Variants in CMBL observed in about 807,000 individuals in gnomAD.
CMBL encodes the protein carboxymethylenebutenolidase homolog.
In CMBL, 17 loss-of-function variants were observed where a neutral mutation model predicts 28.7. The observed-to-expected ratio is 0.59, with a 90% CI of 0.41 to 0.89. The LOEUF is 0.89. CMBL is among the 40% of genes least tolerant of loss of function. The probability of loss-of-function intolerance (pLI) is 0.00; values close to 1 mark genes in which losing one functional copy is unlikely to be tolerated. For missense variants in CMBL, 310 were observed against 298.5 expected (o/e 1.04, Z -0.28); for synonymous variants, 106 against 101.6 (o/e 1.04, Z -0.26).
Position 10,277,631 on chromosome 5 carries a change from T to C in CMBL, c.*2822A>G, listed in dbSNP as rs1480953809. Among the ~76,000 whole-genome samples, 1 of 152,196 alleles carries C rather than the reference T, an allele frequency of 6.6e-6. No individual in the cohort carries two copies. Among genetic ancestry groups the C allele is most frequent in the African/African-American group, 2.4e-5 (1 of 41,434 alleles). ...TTTTTAATGGGGCTATAAGAAAATT[T>C]AAAATTACATACATGGGGAAAAAAG... On this transcript the variant is annotated 3_prime_UTR_variant, in exon 6 of 6. Coordinates refer to ENST00000296658, the MANE Select transcript of CMBL (RefSeq NM_138809.4).
intron 1 of CMBL, among the ~76,000 whole-genome samples, chr5:10,297,736 G>A (rs1221765332): frequency 6.6e-6 from 1 of 152,108 alleles, no homozygotes; most frequent in African/African-American, 2.4e-5. Flanking sequence ...GACCCCGGGA[G>A]AGAGGGAACT....
chr5:10,286,340 C>A lies in CMBL; in HGVS notation c.466+14G>T. On this transcript the variant is annotated intron_variant, in intron 4 of 5. Transcript: ENST00000296658. The stretch of plus-strand genomic sequence containing the variant: ...CCCTTCTGCATGGAGTAAAAATGCA[C>A]AAGGCAGATTTACCATAGACGGACA... The A allele has an allele frequency of 6.2e-7, 1 of 1,611,394 alleles. No homozygotes were observed. Among genetic ancestry groups the A allele is most frequent in the Non-Finnish European group, 8.5e-7 (1 of 1,178,580 alleles).
rs781706202 is a variant in CMBL, at chr5:10,305,558, GTGTTTTTTGTTTTT to G, written c.-20+2053_-20+2066del. ...CAAAACCCATGGGGATCACTGTTGA[GTGTTTTTTGTTTTT>G]TGTTTTTTGTTTTTTTTGAGACGGA... is the stretch of plus-strand genomic sequence containing the variant. On this transcript the variant is annotated intron_variant, in intron 1 of 5. Coordinates refer to ENST00000296658, the MANE Select transcript of CMBL (RefSeq NM_138809.4). Among the ~76,000 whole-genome samples the G allele has an allele frequency of 6.6e-5, 10 of 151,906 alleles. No individual in the cohort carries two copies. In the South Asian group the frequency reaches 1.0e-3, roughly 16 times the overall value.
At chr5:10,285,686 T>TTCTC (rs67718297) in intron 4 of CMBL, among the ~76,000 whole-genome samples, 19,970 of 78,938 alleles carry the variant, frequency 0.25, 2,886 homozygotes, top group African/African-American at 0.44. Context: ...CTTTCTTTCT[T>TTCTC]TCTCTTTCTT....
At chr5:10,293,654 G>A (rs1746762660) in intron 1 of CMBL, among the ~76,000 whole-genome samples, 1 of 152,194 alleles carries the variant, frequency 6.6e-6, no homozygotes, top group African/African-American at 2.4e-5. Flanking sequence ...AAACAGTATG[G>A]TATTGCTGGA....
rs2126546680 is a variant in CMBL, at chr5:10,288,424, A to G, written c.321T>C (p.Asp107=). 6.2e-6 allele frequency: 10 copies of G among 1,612,274 alleles called. No individual in the cohort carries two copies. Among genetic ancestry groups the G allele is most frequent in the Non-Finnish European group, 8.5e-6 (10 of 1,178,368 alleles). ...GGCCACGTCTGCGGATAACTCACCT[A>G]TCGATCTTCTGGGCATTTCTTGTTT... ...WLKTRNAQKI[D]REISAILKYL... is the part of the protein sequence containing the mutation. The change falls in exon 3 of 6, where the codon GAT becomes GAC. Residue 107 remains aspartate, a splice_region_variant and synonymous_variant. Transcript: ENST00000296658.
At position 10,289,347 on chromosome 5, in the gene CMBL, C is replaced by A. The variant is rs747571854; in HGVS notation, c.216-818G>T. Among the ~76,000 whole-genome samples the A allele has an allele frequency of 2.0e-5, 3 of 152,028 alleles. No individual in the cohort carries two copies. Among genetic ancestry groups the A allele is most frequent in the Non-Finnish European group, 2.9e-5 (2 of 67,982 alleles). On this transcript the variant is annotated intron_variant, in intron 2 of 5. Transcript: ENST00000296658. This position sits in a 1 kb window ranked among gnomAD's most constrained non-coding sequence, Gnocchi z 4.3. ...ACTGCCTAACCCCAGAGGATCCTCT[C>A]GAGGGCAAAAAAAGTTGTATACCTG...
At chr5:10,305,298 G>T (rs1286594055) in intron 1 of CMBL, among the ~76,000 whole-genome samples, 1 of 152,172 alleles carries the variant, frequency 6.6e-6, no homozygotes, top group Non-Finnish European at 1.5e-5. Context: ...TTGCTGCAAG[G>T]TGCTGCATAT....
intron 1 of CMBL, among the ~76,000 whole-genome samples, chr5:10,305,278 C>T (rs1746977972): frequency 6.6e-6 from 1 of 152,112 alleles, no homozygotes; most frequent in South Asian, 2.1e-4. Context: ...TGCATGATTC[C>T]CCATAGACAT....
rs374924358 is a variant in CMBL, at chr5:10,280,485, T to G, written c.706A>C (p.Asn236His). ...DKPYIDEARR[N>H]LIEWLNKYM The stretch of plus-strand genomic sequence containing the variant: ...TACTTGTTCAGCCACTCAATTAAAT[T>G]CCTTCTGGCCTCGTCAATGTAGGGC... The change falls in exon 6 of 6, where the codon AAT (asparagine) becomes CAT (histidine). Residue 236 changes from asparagine to histidine, a missense_variant. Asn to His is a moderately conservative substitution (Grantham distance 68). Transcript: ENST00000296658. The G allele has an allele frequency of 5.0e-6, 8 of 1,607,392 alleles. No homozygotes were observed. In the African/African-American group the frequency reaches 8.0e-5, roughly 16 times the overall value.
At position 10,279,106 on chromosome 5, in the gene CMBL, C is replaced by T. The variant is rs1002165294; in HGVS notation, c.*1347G>A. On this transcript the variant is annotated 3_prime_UTR_variant, in exon 6 of 6. Transcript: ENST00000296658. ...TAGGTGCAGGTGCAGAGTTTCTCAC[C>T]GGCTCTCCCCTTTACGCCACCACCA... Among the ~76,000 whole-genome samples, 3 of 152,102 alleles carry T rather than the reference C, an allele frequency of 2.0e-5. No homozygotes were observed. The highest frequency in any genetic ancestry group is 4.4e-5 in the Non-Finnish European group (3 of 68,016).
rs1390984526 is a variant in CMBL, at chr5:10,307,288, TGG to T, written c.-20+335_-20+336del. On this transcript the variant is annotated intron_variant, in intron 1 of 5. Coordinates refer to ENST00000296658, the MANE Select transcript of CMBL (RefSeq NM_138809.4). ...TTACAAGGAGTATTTAACGGCATGGTGGAAAGGCTCCTCCGTGCTAAATGGCC... is the reference window on the plus strand; with the variant it reads ...TTACAAGGAGTATTTAACGGCATGGTAAAGGCTCCTCCGTGCTAAATGGCC... 7 of 152,286 alleles carry T rather than the reference TGG, an allele frequency of 4.6e-5. No individual in the cohort carries two copies. In the East Asian group the frequency reaches 1.4e-3, roughly 29 times the overall value. 9.4% of individuals were successfully genotyped at this position (152,286 alleles called of 1,614,324 possible).
At chr5:10,287,718 CT>C (rs1198637075) in intron 3 of CMBL, among the ~76,000 whole-genome samples, 9 of 148,162 alleles carry the variant, frequency 6.1e-5, no homozygotes, top group Non-Finnish European at 7.5e-5. Flanking sequence ...TAATTAATTT[CT>C]TTTTTTTTTG....
rs538376927 is a variant in CMBL at position 10,295,731 on chromosome 5, C to T, written c.-19-4950G>A. Among the ~76,000 whole-genome samples, 33 of 152,282 alleles carry T rather than the reference C, an allele frequency of 2.2e-4. No homozygotes were observed. The South Asian group carries it at 2.3e-3, about 11-fold the overall frequency. ...CCTCAGCAGACATTGGATCTGCCAG[C>T]GCCTCGATCTTGGACTTTCCAGCCT... On this transcript the variant is annotated intron_variant, in intron 1 of 5. Transcript: ENST00000296658.
In CMBL at chr5:10,279,899, C is replaced by T. The variant is rs1746468181; in HGVS notation, c.*554G>A. ...ATCATTCTCTATCATTCAAATTCTC[C>T]AGGTACTGACCTGGTTTTTATTTTA... On this transcript the variant is annotated 3_prime_UTR_variant, in exon 6 of 6. Transcript: ENST00000296658. 6.6e-6 allele frequency: 1 copy of T among 151,958 alleles called. No homozygotes were observed. The highest frequency in any genetic ancestry group is 2.1e-4 in the South Asian group (1 of 4,818). The allele number at this position is 151,958 out of a possible 1,614,324, so 9.4% of individuals were successfully genotyped here. A position where few individuals can be genotyped will look rare whatever the true frequency, so the allele number is the denominator to read the frequency against.
rs1454220841 is a variant in CMBL, at chr5:10,290,788, A to G, written c.-19-7T>C. ...TGCAGAGATTTAAGTCGGGCTATGG[A>G]GAGAGAAACATGCGTTATATTCTGA... is the stretch of plus-strand genomic sequence containing the variant. On this transcript the variant is annotated splice_polypyrimidine_tract_variant and splice_region_variant and intron_variant, in intron 1 of 5. Transcript: ENST00000296658. 6.3e-7 allele frequency: 1 copy of G among 1,583,378 alleles called. No individual in the cohort carries two copies. Among genetic ancestry groups the G allele is most frequent in the Non-Finnish European group, 8.7e-7 (1 of 1,152,152 alleles).
At chr5:10,294,314 C>T (rs1008785669) in intron 1 of CMBL, among the ~76,000 whole-genome samples, 1 of 152,072 alleles carries the variant, frequency 6.6e-6, no homozygotes, top group Non-Finnish European at 1.5e-5. Flanking sequence ...GTGGCTCATG[C>T]CTGTAATCTC....
intron 4 of CMBL, among the ~76,000 whole-genome samples, chr5:10,283,970 C>T (rs190430175): frequency 1.3e-5 from 2 of 152,366 alleles, no homozygotes; most frequent in East Asian, 1.9e-4. Flanking sequence ...CTTTTTTCCA[C>T]TTCCTGCTGG....
chr5:10,297,585 A>C (rs1266859101), intron 1 of CMBL, among the ~76,000 whole-genome samples: 11 of 151,992 alleles, frequency 7.2e-5, no homozygotes, highest in Admixed American at 7.2e-4. Flanking sequence ...AAAAAAAAAA[A>C]AAGAGCAAAG....
Sources: allele counts gnomAD v4.1 joint callset (sites outside exome capture counted in the v4.1 genomes callset), GRCh38; gene constraint gnomAD v4.1.1; non-coding constraint Gnocchi (gnomAD v3.1); transcripts MANE v1.5; gene names NCBI Gene and HGNC (gene_info 2026-07-23, HGNC 2026-07-21).